ARHGEF9: variants seen among roughly 807,000 people sequenced by gnomAD.
The protein encoded by ARHGEF9 is Cdc42 guanine nucleotide exchange factor 9.
A neutral mutation model predicts 41.3 loss-of-function variants in ARHGEF9; 2 were observed. The observed-to-expected ratio is 0.05, with a 90% CI of 0.02 to 0.15. The LOEUF is 0.15. ARHGEF9 is among the 10% of genes least tolerant of loss of function. The probability of loss-of-function intolerance (pLI) is 1.00; values close to 1 mark genes in which losing one functional copy is unlikely to be tolerated. For synonymous variants in ARHGEF9, 160 were observed against 154.4 expected (o/e 1.04, Z -0.27); for missense variants, 225 against 424.7 (o/e 0.53, Z 4.13).
In ARHGEF9 at chrX:63,637,878, GTGTC is replaced by G. The variant is rs1464272776; in HGVS notation, c.*146_*149del. 4.9e-5 allele frequency: 20 copies of G among 409,000 alleles called. No individual in the cohort carries two copies. The highest frequency in any genetic ancestry group is 2.3e-4 in the Admixed American group (5 of 22,050). The allele number at this position is 409,000 out of a possible 1,213,427, so 33.7% of individuals were successfully genotyped here. On this transcript the variant is annotated 3_prime_UTR_variant, in exon 10 of 10. Transcript: ENST00000671741. ...TGTGTGTGTGTGTGTGTGTGTGTGT[GTGTC>G]TGTGTGTGTGTGTGTGTATGTGTAC...
intron 3 of ARHGEF9, among the ~76,000 whole-genome samples, chrX:63,701,251 C>A (rs2052145333): frequency 9.0e-6 from 1 of 110,791 alleles, no homozygotes; most frequent in African/African-American, 3.3e-5. Flanking sequence ...TAGGGAAGGG[C>A]CCTCACAAAA....
At chrX:63,694,952 A>T (rs1257694578) in intron 4 of ARHGEF9, among the ~76,000 whole-genome samples, 1 of 112,879 alleles carries the variant, frequency 8.9e-6, no homozygotes. Flanking sequence ...ATACATTAAA[A>T]GAGATAACAC....
In ARHGEF9 at chrX:63,635,310, A is replaced by G. The variant is rs1435338192; in HGVS notation, c.*2718T>C. The G allele has an allele frequency of 1.9e-6, 1 of 520,655 alleles. No homozygotes were observed. The allele number at this position is 520,655 out of a possible 1,213,427, so 42.9% of individuals were successfully genotyped here. The stretch of plus-strand genomic sequence containing the variant: ...GGGGGGAAAAAGAGAGAATAATTAG[A>G]TGTCTGTCTTAGGACTCCCCACAGC... On this transcript the variant is annotated 3_prime_UTR_variant, in exon 10 of 10. Coordinates refer to ENST00000671741, the MANE Select transcript of ARHGEF9 (RefSeq NM_001353921.2).
At position 63,678,657 on chromosome X, in the gene ARHGEF9, C is replaced by T. The variant is rs1490595289; in HGVS notation, c.583-85G>A. The T allele has an allele frequency of 4.9e-6, 3 of 615,912 alleles. No individual in the cohort carries two copies. In the African/African-American group the frequency reaches 6.7e-5, roughly 14 times the overall value. The allele number at this position is 615,912 out of a possible 1,213,427, so 50.8% of individuals were successfully genotyped here. ...AAGTAATGGAAAGACAGATCATATT[C>T]TTAGGCAGAAATATTAAAATGATAA... On this transcript the variant is annotated intron_variant, in intron 4 of 9. Transcript: ENST00000671741.
At chrX:63,693,273 G>C in intron 4 of ARHGEF9, among the ~76,000 whole-genome samples, 1 of 111,772 alleles carries the variant, frequency 8.9e-6, no homozygotes, top group Admixed American at 9.5e-5. Flanking sequence ...ACAAATAAAT[G>C]ATAAATGTTT....
At chrX:63,782,726 T>C (rs1556462987) in intron 1 of ARHGEF9, among the ~76,000 whole-genome samples, 1 of 112,581 alleles carries the variant, frequency 8.9e-6, no homozygotes, top group African/African-American at 3.2e-5. Context: ...CGTTATAAAA[T>C]GGTGGCTAGA....
At chrX:63,703,696 A>C (rs1350829117) in intron 3 of ARHGEF9, among the ~76,000 whole-genome samples, 4 of 112,054 alleles carry the variant, frequency 3.6e-5, no homozygotes, top group African/African-American at 1.3e-4. Context: ...ACAGACAATA[A>C]ACAAAATATA....
chrX:63,771,795 G>T (rs1345606338), intron 1 of ARHGEF9, among the ~76,000 whole-genome samples: 1 of 111,054 alleles, frequency 9.0e-6, no homozygotes, highest in Non-Finnish European at 1.9e-5. Flanking sequence ...TTTAATTCCT[G>T]ACCTCAAGTG....
chrX:63,742,964 G>A (rs1482283356), intron 1 of ARHGEF9, among the ~76,000 whole-genome samples: 1 of 112,168 alleles, frequency 8.9e-6, no homozygotes, highest in African/African-American at 3.2e-5. Context: ...AGCCAGGTGT[G>A]GTGGCTCACT....
At chrX:63,731,278 G>C (rs1238128915) in intron 1 of ARHGEF9, among the ~76,000 whole-genome samples, 6 of 111,712 alleles carry the variant, frequency 5.4e-5, no homozygotes, top group Non-Finnish European at 1.1e-4. Context: ...ATTTTCCCTT[G>C]CTCCCTTAAG....
At chrX:63,646,732 T>G (rs1253137140) in intron 8 of ARHGEF9, among the ~76,000 whole-genome samples, 1 of 112,167 alleles carries the variant, frequency 8.9e-6, no homozygotes, top group African/African-American at 3.2e-5. Context: ...TGGTTCCATA[T>G]GAACTTTAAA....
chrX:63,701,107 T>C (rs1307529553), intron 3 of ARHGEF9, among the ~76,000 whole-genome samples: 1 of 111,936 alleles, frequency 8.9e-6, no homozygotes, highest in Non-Finnish European at 1.9e-5. Context: ...TGAGACCTAG[T>C]GCATTGATCT....
Position 63,758,290 on chromosome X carries a change from C to A in ARHGEF9, c.30+26826G>T, listed in dbSNP as rs1293073907. Among the ~76,000 whole-genome samples the A allele has an allele frequency of 2.7e-5, 3 of 111,089 alleles. No homozygotes were observed. The East Asian group carries it at 8.5e-4, about 31-fold the overall frequency. On this transcript the variant is annotated intron_variant, in intron 1 of 9. Coordinates refer to ENST00000671741, the MANE Select transcript of ARHGEF9 (RefSeq NM_001353921.2). ...TCTTCCTGCTTGTCAGAGAGAGCAG[C>A]TACCCTGACACTGTTCTTGGAGGCA... is the stretch of plus-strand genomic sequence containing the variant.
chrX:63,671,507 A>G (rs1321464643), intron 6 of ARHGEF9: 2 of 112,620 alleles, frequency 1.8e-5, no homozygotes, highest in African/African-American at 6.5e-5. Context: ...AAGAACAGCA[A>G]TTGGGCTGTG....
intron 1 of ARHGEF9, among the ~76,000 whole-genome samples, chrX:63,768,383 GT>G (rs1195792620): frequency 2.7e-5 from 3 of 111,887 alleles, no homozygotes; most frequent in Non-Finnish European, 3.8e-5. Context: ...CTCATCAATT[GT>G]TGGGCACATA....
rs1275919458 is a variant in ARHGEF9, at chrX:63,698,710, A to G, written c.403-1406T>C. ...TGTCTTTTACTGACCTCTACAACAAATCTCACTTCCCCTTCCCATATCTGT... is the reference window on the plus strand; with the variant it reads ...TGTCTTTTACTGACCTCTACAACAAGTCTCACTTCCCCTTCCCATATCTGT... On this transcript the variant is annotated intron_variant, in intron 3 of 9. Transcript: ENST00000671741. 4.5e-5 allele frequency among the ~76,000 whole-genome samples: 5 copies of G among 110,388 alleles called. 1 individual carries two copies. The highest frequency in any genetic ancestry group is 1.6e-4 in the African/African-American group (5 of 30,326).
intron 2 of ARHGEF9, chrX:63,707,480 C>T (rs781969238): frequency 1.8e-5 from 2 of 110,376 alleles, no homozygotes; most frequent in African/African-American, 3.3e-5. Flanking sequence ...CCGCCACCCC[C>T]CACAGTCCTA....
chrX:63,659,160 A>T (rs1556339160), intron 7 of ARHGEF9, among the ~76,000 whole-genome samples: 1 of 111,740 alleles, frequency 8.9e-6, no homozygotes, highest in Non-Finnish European at 1.9e-5. Flanking sequence ...GTCTTGCTTC[A>T]CTTAGGGATT....
At chrX:63,667,673 T>C (rs1291190952) in intron 6 of ARHGEF9, among the ~76,000 whole-genome samples, 1 of 110,567 alleles carries the variant, frequency 9.0e-6, no homozygotes, top group Non-Finnish European at 1.9e-5. Flanking sequence ...AAGGGGGAAC[T>C]CAGTAGAATT....
Sources: gnomAD v4.1 joint callset for allele counts (sites outside exome capture counted in the v4.1 genomes callset) on GRCh38, gnomAD v4.1.1 for gene constraint, MANE v1.5 for transcripts, NCBI Gene and HGNC (gene_info 2026-07-23, HGNC 2026-07-21) for gene names.